The following OTUD7A variants were observed in gnomAD, a reference collection of about 807,000 sequenced individuals.
OTUD7A encodes the protein OTU deubiquitinase 7A, also known as OTU domain-containing protein 7A.
A neutral mutation model predicts 65.7 loss-of-function variants in OTUD7A; 12 were observed. The ratio of observed to expected loss-of-function variants is 0.18; its 90% CI spans 0.12 to 0.30. The LOEUF (loss-of-function observed/expected upper bound fraction) is 0.30, where lower values mean the gene tolerates loss of function less well. Among genes scored for constraint, OTUD7A ranks in the 10% least tolerant of loss-of-function variants. The pLI is 1.00. For synonymous variants in OTUD7A, 641 were observed against 586.3 expected (o/e 1.09, Z -1.35); for missense variants, 1,148 against 1,304.8 (o/e 0.88, Z 1.85).
At chr15:31,755,462 C>T (rs1894785177) in intron 1 of OTUD7A, among the ~76,000 whole-genome samples, 1 of 152,166 alleles carries the variant, frequency 6.6e-6, no homozygotes, top group East Asian at 1.9e-4. Flanking sequence ...CAGCTCACGC[C>T]TGTAATACCA....
At chr15:31,524,002 T>G (rs1212208752) in intron 8 of OTUD7A, among the ~76,000 whole-genome samples, 1 of 152,182 alleles carries the variant, frequency 6.6e-6, no homozygotes, top group East Asian at 1.9e-4. Flanking sequence ...GGAAAATGTT[T>G]TATGCCTGGT....
chr15:31,822,092 T>C (rs569637490), intron 1 of OTUD7A, among the ~76,000 whole-genome samples: 7 of 152,370 alleles, frequency 4.6e-5, no homozygotes, highest in East Asian at 3.9e-4. Context: ...ATTTGCAGCA[T>C]AGAAGTTTTT....
At chr15:31,510,473 A>G (rs1256888616) in intron 8 of OTUD7A, among the ~76,000 whole-genome samples, 2 of 148,532 alleles carry the variant, frequency 1.3e-5, no homozygotes, top group Non-Finnish European at 3.0e-5. Context: ...GGAGTTTTGA[A>G]TATATATATG....
At chr15:31,694,409 C>T (rs1893027631) in intron 1 of OTUD7A, among the ~76,000 whole-genome samples, 1 of 152,180 alleles carries the variant, frequency 6.6e-6, no homozygotes, top group South Asian at 2.1e-4. Context: ...CCTCAAGCCC[C>T]CTTCCCCCGG....
Position 31,479,720 on chromosome 15 carries a change from G to A in OTUD7A, c.*3574C>T, listed in dbSNP as rs1414794113. 1 of 151,898 alleles carries A rather than the reference G, an allele frequency of 6.6e-6. No homozygotes were observed. The highest frequency in any genetic ancestry group is 1.5e-5 in the Non-Finnish European group (1 of 67,990). The allele number at this position is 151,898 out of a possible 1,614,324, so 9.4% of individuals were successfully genotyped here. On this transcript the variant is annotated 3_prime_UTR_variant, in exon 13 of 13. Coordinates refer to ENST00000307050, the MANE Select transcript of OTUD7A (RefSeq NM_001382637.1). The stretch of plus-strand genomic sequence containing the variant: ...CCAGAGACAGGGCGGGCTCTGCATG[G>A]AGGATGTCCACACCCTGAGGTGTGC...
At position 31,483,263 on chromosome 15, in the gene OTUD7A, G is replaced by C. The variant is rs1166049731; in HGVS notation, c.*31C>G. 9.3e-6 allele frequency: 10 copies of C among 1,075,534 alleles called. No individual in the cohort carries two copies. The highest frequency in any genetic ancestry group is 1.7e-5 in the African/African-American group (1 of 59,262). The allele number at this position is 1,075,534 out of a possible 1,614,324, so 66.6% of individuals were successfully genotyped here. ...AATGGAAAAGAAATCCTCGAAGGTA[G>C]AACCTCGCCGCCCGCGCCGCGCCGC... On this transcript the variant is annotated 3_prime_UTR_variant, in exon 13 of 13. Coordinates refer to ENST00000307050, the MANE Select transcript of OTUD7A (RefSeq NM_001382637.1).
At chr15:31,569,893 G>T in intron 4 of OTUD7A, 125 bp downstream of exon 4, 1 of 993,190 alleles carries the variant, frequency 1.0e-6, no homozygotes, top group Non-Finnish European at 1.5e-6. Flanking sequence ...AGAAGGCACT[G>T]AGAGGCCAAT....
rs11354353 is a variant in OTUD7A at position 31,789,706 on chromosome 15, CTTTTT to C, written c.-100+80796_-100+80800del. On this transcript the variant is annotated intron_variant, in intron 1 of 12. Coordinates refer to ENST00000307050, the MANE Select transcript of OTUD7A (RefSeq NM_001382637.1). ...AGAACTGTGGAAATCCAATGCTGCCCTTTTTTTTTTTTTTTTTTTGAGACCGAGTT... is the reference window on the plus strand; with the variant it reads ...AGAACTGTGGAAATCCAATGCTGCCCTTTTTTTTTTTTTTGAGACCGAGTT... 7.6e-3 allele frequency among the ~76,000 whole-genome samples: 805 copies of C among 105,886 alleles called. 3 individuals carry two copies. Among genetic ancestry groups the C allele is most frequent in the African/African-American group, 0.025 (773 of 30,636 alleles). The allele number at this position is 105,886 out of a possible 152,430, so 69.5% of individuals were successfully genotyped here. A position where few individuals can be genotyped will look rare whatever the true frequency, so the allele number is the denominator to read the frequency against.
intron 3 of OTUD7A, among the ~76,000 whole-genome samples, chr15:31,634,305 C>G (rs1347527295): frequency 6.6e-6 from 1 of 152,240 alleles, no homozygotes; most frequent in Non-Finnish European, 1.5e-5. Context: ...CCCCCTCTCT[C>G]TGCCACTGCT....
Position 31,857,260 on chromosome 15 carries a change from A to T in OTUD7A, c.-100+13247T>A, listed in dbSNP as rs1025269249. Reference sequence around the variant, plus strand: ...ATAGCCAACGAGAGCCCACGGTAGCACCTAGGGCCTGCTGTCACCTGTAAG... The same window carrying T: ...ATAGCCAACGAGAGCCCACGGTAGCTCCTAGGGCCTGCTGTCACCTGTAAG... On this transcript the variant is annotated intron_variant, in intron 1 of 12. Coordinates refer to ENST00000307050, the MANE Select transcript of OTUD7A (RefSeq NM_001382637.1). Among the ~76,000 whole-genome samples, 14 of 152,274 alleles carry T rather than the reference A, an allele frequency of 9.2e-5. 1 individual carries two copies. Among genetic ancestry groups the T allele is most frequent in the Admixed American group, 9.1e-4 (14 of 15,302 alleles).
chr15:31,594,648 T>C (rs1029414910), intron 3 of OTUD7A, among the ~76,000 whole-genome samples: 1 of 152,228 alleles, frequency 6.6e-6, no homozygotes, highest in African/African-American at 2.4e-5. Flanking sequence ...AATTTCCTGC[T>C]TGTTCAGATT....
intron 1 of OTUD7A, among the ~76,000 whole-genome samples, chr15:31,714,550 T>C (rs1266753675): frequency 6.6e-6 from 1 of 152,212 alleles, no homozygotes. Context: ...AAGTTGTACA[T>C]TTGATGTGCA....
intron 1 of OTUD7A, among the ~76,000 whole-genome samples, chr15:31,741,192 A>C (rs1229664933): frequency 6.6e-6 from 1 of 152,246 alleles, no homozygotes; most frequent in East Asian, 1.9e-4. Flanking sequence ...AAAGATAACT[A>C]GCAAATCCCC....
chr15:31,826,284 T>C (rs1260200895), intron 1 of OTUD7A, among the ~76,000 whole-genome samples: 5 of 152,048 alleles, frequency 3.3e-5, no homozygotes. Context: ...TAGGTGGAGG[T>C]TCTCAAACCT....
intron 1 of OTUD7A, chr15:31,767,873 T>C (rs1324364852): frequency 1.5e-6 from 2 of 1,294,146 alleles, no homozygotes; most frequent in Non-Finnish European, 2.2e-6. Context: ...TGGTAGAGTT[T>C]TAAGTGGCAA....
chr15:31,753,804 T>A (rs533192725), intron 1 of OTUD7A, among the ~76,000 whole-genome samples: 1 of 149,830 alleles, frequency 6.7e-6, no homozygotes, highest in East Asian at 2.0e-4. Context: ...ATTTTTGCAA[T>A]TGAGAATTGT....
chr15:31,630,303 G>A (rs1409537243), intron 3 of OTUD7A, among the ~76,000 whole-genome samples: 8 of 150,024 alleles, frequency 5.3e-5, no homozygotes, highest in South Asian at 2.2e-4. Flanking sequence ...CTTTGTTCTC[G>A]TTGGTTTCAA....
Position 31,479,670 on chromosome 15 carries a change from G to GGGGGGGGGGT in OTUD7A, c.*3623_*3624insACCCCCCCCC, listed in dbSNP as rs1555388197. ...GTTTGTGGACACTAAGTGGGGGGGG[G>GGGGGGGGGGT]GGGTGATGGGCCCATGACCCCTCCC... On this transcript the variant is annotated 3_prime_UTR_variant, in exon 13 of 13. Transcript: ENST00000307050. 1 of 138,152 alleles carries GGGGGGGGGGT rather than the reference G, an allele frequency of 7.2e-6. No homozygotes were observed. Among genetic ancestry groups the GGGGGGGGGGT allele is most frequent in the African/African-American group, 2.9e-5 (1 of 35,052 alleles). 8.6% of individuals were successfully genotyped at this position (138,152 alleles called of 1,614,324 possible). A position where few individuals can be genotyped will look rare whatever the true frequency, so the allele number is the denominator to read the frequency against.
chr15:31,860,622 G>GATAAATATATATATATATATATATATAT lies in OTUD7A; in HGVS notation c.-100+9884_-100+9885insATATATATATATATATATATATATTTAT, dbSNP rs59869625. 6.3e-3 allele frequency among the ~76,000 whole-genome samples: 169 copies of GATAAATATATATATATATATATATATAT among 26,806 alleles called. 8 individuals are homozygous for GATAAATATATATATATATATATATATAT. Among genetic ancestry groups the GATAAATATATATATATATATATATATAT allele is most frequent in the African/African-American group, 0.014 (162 of 11,982 alleles). The allele number at this position is 26,806 out of a possible 152,430, so 17.6% of individuals were successfully genotyped here. Reference sequence around the variant, plus strand: ...TATTCTCCTCGACCCCAGAAGTGGAGATATATATATATATATATATATGTA... The same window carrying GATAAATATATATATATATATATATATAT: ...TATTCTCCTCGACCCCAGAAGTGGAGATAAATATATATATATATATATATATATATATATATATATATATATATATGTA... On this transcript the variant is annotated intron_variant, in intron 1 of 12. Coordinates refer to ENST00000307050, the MANE Select transcript of OTUD7A (RefSeq NM_001382637.1).
Sources: gnomAD v4.1 joint callset for allele counts (sites outside exome capture counted in the v4.1 genomes callset) on GRCh38, gnomAD v4.1.1 for gene constraint, MANE v1.5 for transcripts, NCBI Gene and HGNC (gene_info 2026-07-23, HGNC 2026-07-21) for gene names.